DLL4: variants seen among roughly 807,000 people sequenced by gnomAD.
DLL4 encodes the protein delta-like protein 4.
In DLL4, 7 loss-of-function variants were observed where a neutral mutation model predicts 73.6. The observed-to-expected ratio is 0.10, with a 90% confidence interval of 0.05 to 0.18. The LOEUF is 0.18. Ranked by LOEUF, DLL4 falls within the 10% of genes least tolerant of loss-of-function variation. DLL4 has a pLI of 1.00. For missense variants in DLL4, 614 were observed against 929.9 expected, an observed-to-expected ratio of 0.66 and a Z score of 4.42; for synonymous variants, 345 against 374.3, an observed-to-expected ratio of 0.92 and a Z score of 0.90.
chr15:40,936,151 C>T, intron 8 of DLL4, 77 bp from the exon 9 acceptor site: 6 of 1,338,214 alleles, frequency 4.5e-6, no homozygotes, highest in Non-Finnish European at 6.0e-6. Context: ...CGAACGTGTT[C>T]CTGGAATGGG....
chr15:40,937,611 G>A, intron 10 of DLL4, 85 bp downstream of exon 10: 1 of 1,019,578 alleles, frequency 9.8e-7, no homozygotes, highest in Non-Finnish European at 1.6e-6. Context: ...CATTCCTGAA[G>A]GGTAGGTCAG....
At chr15:40,931,834 G>A in intron 4 of DLL4, 68 bp downstream of exon 4, 1 of 1,580,490 alleles carries the variant, frequency 6.3e-7, no homozygotes, top group Non-Finnish European at 8.6e-7. Flanking sequence ...GGAGCTTCTT[G>A]GTCACAGCTT....
At position 40,935,092 on chromosome 15, in the gene DLL4, G is replaced by C; in HGVS notation, c.1215G>C (p.Arg405Ser). The change falls in exon 8 of 11, where the codon AGG becomes AGC. Residue 405 changes from arginine (R) to serine (S), a missense_variant. Coordinates refer to ENST00000249749, the MANE Select transcript of DLL4 (RefSeq NM_019074.4). ...TGSNCEKKVD[R>S]CTSNPCANGG... Reference sequence around the variant, plus strand: ...CCAACTGCGAGAAGAAAGTGGACAGGTGCACCAGCAACCCCTGTGCCAACG... The same window carrying C: ...CCAACTGCGAGAAGAAAGTGGACAGCTGCACCAGCAACCCCTGTGCCAACG... 1 of 1,612,968 alleles carries C rather than the reference G, an allele frequency of 6.2e-7. No individual in the cohort carries two copies. The highest frequency in any genetic ancestry group is 8.5e-7 in the Non-Finnish European group (1 of 1,179,896).
chr15:40,937,957 G>A, intron 10 of DLL4, 72 bp from the exon 11 acceptor site: 1 of 1,570,664 alleles, frequency 6.4e-7, no homozygotes, highest in Non-Finnish European at 8.7e-7. Flanking sequence ...CTCCCAGGGA[G>A]GCCCAGGGAG....
At position 40,929,554 on chromosome 15, in the gene DLL4, C is replaced by A; in HGVS notation, c.-115C>A. ...GAGAAGGCCAAAGGGGAGCAGCGTC[C>A]CGAGAGGAGCGCCTCTTTTCAGGGA... On this transcript the variant is annotated 5_prime_UTR_variant, in exon 1 of 11. Coordinates refer to ENST00000249749, the MANE Select transcript of DLL4 (RefSeq NM_019074.4). This position sits in a 1 kb window ranked among gnomAD's most constrained non-coding sequence, Gnocchi z 7.1. 1.0e-6 allele frequency: 1 copy of A among 989,780 alleles called. No homozygotes were observed. Among genetic ancestry groups the A allele is most frequent in the Non-Finnish European group, 1.4e-6 (1 of 694,792 alleles). The allele number at this position is 989,780 out of a possible 1,614,324, so 61.3% of individuals were successfully genotyped here.
rs1330753793 is a variant in DLL4, at chr15:40,931,498, C to T, written c.395-5C>T. On this transcript the variant is annotated splice_region_variant and splice_polypyrimidine_tract_variant and intron_variant, in intron 3 of 10. Coordinates refer to ENST00000249749, the MANE Select transcript of DLL4 (RefSeq NM_019074.4). ...CTTCCCTGACCCGACCCTCTGCCCC[C>T]TCAGAGGCCTTGCCACCAGATGCAC... is the stretch of plus-strand genomic sequence containing the variant. The T allele has an allele frequency of 1.2e-6, 2 of 1,606,250 alleles. No homozygotes were observed. Among genetic ancestry groups the T allele is most frequent in the East Asian group, 4.5e-5 (2 of 44,416 alleles).
In DLL4 at chr15:40,936,851, C is replaced by G. The variant is rs201457846; in HGVS notation, c.1864C>G (p.Leu622Val). The change falls in exon 9 of 11, where the codon CTG becomes GTG. Residue 622 changes from leucine to valine, a missense_variant. This residue lies in a region of DLL4 where 386 missense variants were observed against 541.3 expected (regional missense o/e 0.71). Transcript: ENST00000249749. Reference protein sequence around the residue: ...TLDYNLAPGPLGRGTMPGKFP... With the variant: ...TLDYNLAPGPVGRGTMPGKFP... ...GGACTATAATCTGGCCCCAGGGCCC[C>G]TGGGGCGGGGGACCATGCCAGGAAA... is the stretch of plus-strand genomic sequence containing the variant. 406 of 1,613,232 alleles carry G rather than the reference C, an allele frequency of 2.5e-4. 4 individuals carry two copies. Among genetic ancestry groups the G allele is most frequent in the Non-Finnish European group, 6.0e-5 (71 of 1,179,874 alleles).
At chr15:40,934,466 G>T in intron 6 of DLL4, 82 bp from the exon 7 acceptor site, 1 of 1,459,878 alleles carries the variant, frequency 6.8e-7, no homozygotes. Flanking sequence ...AGCCAAACAT[G>T]GGGGCAAACA....
Position 40,930,095 on chromosome 15 carries a change from G to A in DLL4, c.315G>A (p.Leu105=), listed in dbSNP as rs375838956. Residue 105 remains leucine (L), a synonymous_variant, in exon 2 of 11, where the codon CTG becomes CTA. Coordinates refer to ENST00000249749, the MANE Select transcript of DLL4 (RefSeq NM_019074.4). The surrounding 1 kb of genome is among the most constrained non-coding windows in gnomAD (Gnocchi z 5.7). ...SSGGGRNPLQ[L]PFNFTWPGTF... Reference sequence around the variant, plus strand: ...GCGGGGGGCGCAACCCTCTCCAACTGCCCTTCAATTTCACCTGGCCGGTGA... The same window carrying A: ...GCGGGGGGCGCAACCCTCTCCAACTACCCTTCAATTTCACCTGGCCGGTGA... The A allele has an allele frequency of 7.2e-5, 115 of 1,606,922 alleles. No individual in the cohort carries two copies. The highest frequency in any genetic ancestry group is 9.1e-5 in the Non-Finnish European group (107 of 1,177,714).
At position 40,936,258 on chromosome 15, in the gene DLL4, G is replaced by A. The variant is rs535125961; in HGVS notation, c.1271G>A (p.Arg424His). 2.2e-5 allele frequency: 36 copies of A among 1,604,424 alleles called. No individual in the cohort carries two copies. The highest frequency in any genetic ancestry group is 1.8e-4 in the Middle Eastern group (1 of 5,554). The change falls in exon 9 of 11, where the codon CGC becomes CAC. Residue 424 changes from arginine to histidine, a missense_variant. This residue lies in a region of DLL4 where 386 missense variants were observed against 541.3 expected (regional missense o/e 0.71). Transcript: ENST00000249749. ...GGQCLNRGPS[R>H]MCRCRPGFTG... Reference sequence around the variant, plus strand: ...CAGTGCCTGAACCGAGGTCCAAGCCGCATGTGCCGCTGCCGTCCTGGATTC... The same window carrying A: ...CAGTGCCTGAACCGAGGTCCAAGCCACATGTGCCGCTGCCGTCCTGGATTC...
Position 40,931,499 on chromosome 15 carries a change from T to C in DLL4, c.395-4T>C. On this transcript the variant is annotated splice_region_variant and splice_polypyrimidine_tract_variant and intron_variant, in intron 3 of 10. Transcript: ENST00000249749. ...TTCCCTGACCCGACCCTCTGCCCCC[T>C]CAGAGGCCTTGCCACCAGATGCACT... is the stretch of plus-strand genomic sequence containing the variant. 2 of 1,606,348 alleles carry C rather than the reference T, an allele frequency of 1.2e-6. No individual in the cohort carries two copies. Among genetic ancestry groups the C allele is most frequent in the Non-Finnish European group, 1.7e-6 (2 of 1,176,888 alleles).
chr15:40,936,131 T>G, intron 8 of DLL4, 97 bp from the exon 9 acceptor site: 1 of 1,071,998 alleles, frequency 9.3e-7, no homozygotes, highest in South Asian at 1.6e-5. Flanking sequence ...CAGGTGGAGG[T>G]AGAAGGGCCC....
chr15:40,930,234 G>C lies in DLL4; in HGVS notation c.336+118G>C. 1 of 1,276,892 alleles carries C rather than the reference G, an allele frequency of 7.8e-7. No individual in the cohort carries two copies. Among genetic ancestry groups the C allele is most frequent in the Non-Finnish European group, 1.1e-6 (1 of 934,102 alleles). 79.1% of individuals were successfully genotyped at this position (1,276,892 alleles called of 1,614,324 possible). Reference sequence around the variant, plus strand: ...ACACCCCCACCCCCAAAAAGCCCAGGATGCATTCTTTCCTGGCTCTTCCCG... The same window carrying C: ...ACACCCCCACCCCCAAAAAGCCCAGCATGCATTCTTTCCTGGCTCTTCCCG... On this transcript the variant is annotated intron_variant, in intron 2 of 10. Transcript: ENST00000249749. This position sits in a 1 kb window ranked among gnomAD's most constrained non-coding sequence, Gnocchi z 5.7.
chr15:40,937,371 A>G (rs772909090), intron 9 of DLL4, 47 bp from the exon 10 acceptor site: 8 of 1,370,896 alleles, frequency 5.8e-6, no homozygotes, highest in Middle Eastern at 1.8e-4. Flanking sequence ...CCTCCCCCCA[A>G]GCCTCTCCCC....
At position 40,935,007 on chromosome 15, in the gene DLL4, G is replaced by A. The variant is rs1373924522; in HGVS notation, c.1130G>A (p.Cys377Tyr). 6.2e-7 allele frequency: 1 copy of A among 1,613,428 alleles called. No homozygotes were observed. The highest frequency in any genetic ancestry group is 1.3e-5 in the African/African-American group (1 of 74,932). ...TCCCCCTGCTTCAATGGGGGCTCCT[G>A]CCGGGAGCGCAACCAGGGGGCCAAC... ...ADSPCFNGGS[C>Y]RERNQGANYA... is the part of the protein sequence containing the mutation. The change falls in exon 8 of 11, where the codon TGC (cysteine) becomes TAC (tyrosine). Residue 377 changes from cysteine (C) to tyrosine (Y), a missense_variant. Physicochemically the swap from Cys to Tyr is radical, Grantham distance 194 (BLOSUM62 -2). Around this residue, in one of 3 missense-constraint regions of DLL4, gnomAD observed 386 missense variants for 541.3 expected, o/e 0.71. Transcript: ENST00000249749.
Position 40,930,797 on chromosome 15 carries a change from T to C in DLL4, c.394+115T>C. ...GGGGTGGGAGGCAGGACGCTTAGCT[T>C]GGCCTGGAGCTGCGCCCCGCGCTGG... On this transcript the variant is annotated intron_variant, in intron 3 of 10. Transcript: ENST00000249749. This position sits in a 1 kb window ranked among gnomAD's most constrained non-coding sequence, Gnocchi z 5.7. 1.8e-6 allele frequency: 2 copies of C among 1,104,164 alleles called. No individual in the cohort carries two copies. Among genetic ancestry groups the C allele is most frequent in the East Asian group, 2.6e-5 (1 of 38,662 alleles). The allele number at this position is 1,104,164 out of a possible 1,614,324, so 68.4% of individuals were successfully genotyped here. A position where few individuals can be genotyped will look rare whatever the true frequency, so the allele number is the denominator to read the frequency against.
intron 3 of DLL4, 93 bp from the exon 4 acceptor site, chr15:40,931,407 TCAC>T (rs1252673457): frequency 2.1e-6 from 3 of 1,397,886 alleles, no homozygotes; most frequent in Non-Finnish European, 2.9e-6. Context: ...GGTTGGCTGA[TCAC>T]CATCATCACA....
At chr15:40,931,462 G>C in intron 3 of DLL4, 41 bp from the exon 4 acceptor site, 1 of 1,582,010 alleles carries the variant, frequency 6.3e-7, no homozygotes, top group Non-Finnish European at 8.6e-7. Flanking sequence ...CACCCTTGGG[G>C]ACTGGCGACC....
chr15:40,937,017 T>G, intron 9 of DLL4, 87 bp downstream of exon 9: 1 of 1,186,368 alleles, frequency 8.4e-7, no homozygotes, highest in Non-Finnish European at 1.2e-6. Flanking sequence ...GGGAAGCAGT[T>G]AAGCAGCTGA....
Sources: gnomAD v4.1 joint callset for allele counts on GRCh38, gnomAD v4.1.1 for gene constraint, gnomAD v4.1.1 regional missense constraint, Gnocchi (gnomAD v3.1) non-coding constraint, MANE v1.5 for transcripts, NCBI Gene and HGNC (gene_info 2026-07-23, HGNC 2026-07-21) for gene names.